ITPRID1: variants seen among roughly 807,000 people sequenced by gnomAD.
ITPRID1 encodes protein ITPRID1.
A neutral mutation model predicts 95.4 loss-of-function variants in ITPRID1; 96 were observed. The ratio of observed to expected loss-of-function variants is 1.01; its 90% CI spans 0.85 to 1.19. ITPRID1 has a LOEUF of 1.19. Ranked by LOEUF, ITPRID1 falls within the 50% of genes most tolerant of loss-of-function variation. ITPRID1 has a pLI of 0.00. For synonymous variants in ITPRID1, 510 were observed against 453.6 expected, an observed-to-expected ratio of 1.12 and a Z score of -1.58; for missense variants, 1,339 against 1,252.9, an observed-to-expected ratio of 1.07 and a Z score of -1.04.
downstream of ITPRID1, among the ~76,000 whole-genome samples, chr7:31,656,915 T>C (rs1349222955): frequency 6.6e-6 from 1 of 151,562 alleles, no homozygotes; most frequent in Non-Finnish European, 1.5e-5. Context: ...CTTTGCTGTC[T>C]TCAGTGCATG....
chr7:31,515,386 A>G (rs541639837), intron 1 of ITPRID1, among the ~76,000 whole-genome samples: 19 of 151,834 alleles, frequency 1.3e-4, no homozygotes, highest in African/African-American at 1.7e-4. Context: ...GACCAGCCTG[A>G]CCAACATGGA....
At chr7:31,648,108 A>G (rs931764603) in intron 12 of ITPRID1, among the ~76,000 whole-genome samples, 1 of 152,232 alleles carries the variant, frequency 6.6e-6, no homozygotes, top group African/African-American at 2.4e-5. Flanking sequence ...AGATTTCTGA[A>G]TATTAGAAGT....
intron 1 of ITPRID1, among the ~76,000 whole-genome samples, chr7:31,527,488 A>G (rs188341956): frequency 6.6e-6 from 1 of 152,234 alleles, no homozygotes; most frequent in East Asian, 1.9e-4. Flanking sequence ...ACTTATTAAA[A>G]ATGTGGAAAA....
At chr7:31,516,266 G>A (rs941822278) in intron 1 of ITPRID1, among the ~76,000 whole-genome samples, 7 of 152,088 alleles carry the variant, frequency 4.6e-5, no homozygotes, top group South Asian at 2.1e-4. Flanking sequence ...AGGTTTCTGC[G>A]TGTGTGTGCA....
intron 1 of ITPRID1, among the ~76,000 whole-genome samples, chr7:31,536,810 A>C (rs1298164111): frequency 1.3e-5 from 2 of 152,134 alleles, no homozygotes; most frequent in Non-Finnish European, 2.9e-5. Context: ...GGCTTGTCTC[A>C]GTTCTGCCTT....
At chr7:31,639,858 A>G (rs1036934200) in intron 10 of ITPRID1, among the ~76,000 whole-genome samples, 1 of 152,094 alleles carries the variant, frequency 6.6e-6, no homozygotes, top group African/African-American at 2.4e-5. Context: ...AAATGTTTTA[A>G]TGCTCTTTCT....
At chr7:31,598,614 AG>A (rs1346604673) in intron 10 of ITPRID1, among the ~76,000 whole-genome samples, 5 of 151,934 alleles carry the variant, frequency 3.3e-5, no homozygotes, top group African/African-American at 1.2e-4. Context: ...CGTGTTAGCC[AG>A]GATGGTCTCT....
At chr7:31,623,662 A>T (rs1788149529) in intron 10 of ITPRID1, among the ~76,000 whole-genome samples, 1 of 108,876 alleles carries the variant, frequency 9.2e-6, no homozygotes, top group Admixed American at 1.0e-4. Flanking sequence ...TGAATGGGGA[A>T]AAACTGGAAG....
chr7:31,568,945 T>C lies in ITPRID1; in HGVS notation c.257-813T>C, dbSNP rs369717512. 1.4e-4 allele frequency among the ~76,000 whole-genome samples: 21 copies of C among 152,330 alleles called. No individual in the cohort carries two copies. In the East Asian group the frequency reaches 4.1e-3, roughly 29 times the overall value. ...TTTATTTAATCTCTCTCAGCCTCAG[T>C]TTTCCTCTGTGTTAAGTGGAGATCA... On this transcript the variant is annotated intron_variant, in intron 5 of 14. Transcript: ENST00000615280.
chr7:31,540,784 A>C (rs907367769), intron 1 of ITPRID1, among the ~76,000 whole-genome samples: 2 of 152,210 alleles, frequency 1.3e-5, no homozygotes, highest in African/African-American at 4.8e-5. Flanking sequence ...AGGTTCCAAG[A>C]TAACTTTGGG....
At chr7:31,587,421 C>A (rs1184581953) in intron 10 of ITPRID1, among the ~76,000 whole-genome samples, 1 of 151,422 alleles carries the variant, frequency 6.6e-6, no homozygotes, top group Admixed American at 6.6e-5. Flanking sequence ...ACCTAGGAAT[C>A]CAACTTACAA....
At chr7:31,599,662 T>TTCTCTCTCTCTCTCTCTCTCTCTC (rs70986634) in intron 10 of ITPRID1, among the ~76,000 whole-genome samples, 1 of 31,354 alleles carries the variant, frequency 3.2e-5, no homozygotes, top group African/African-American at 7.5e-5. Flanking sequence ...TTTCTTTCCT[T>TTCTCTCTCTCTCTCTCTCTCTCTC]TCTCTCTCTC....
chr7:31,604,713 A>T (rs1035322748), intron 10 of ITPRID1, among the ~76,000 whole-genome samples: 3 of 152,220 alleles, frequency 2.0e-5, no homozygotes, highest in African/African-American at 7.2e-5. Context: ...TATGCTTCCT[A>T]TAAAAATTAC....
At chr7:31,657,194 G>A (rs1042891360), downstream of ITPRID1, among the ~76,000 whole-genome samples, 3 of 8,740 alleles carry the variant, frequency 3.4e-4, no homozygotes, top group Admixed American at 1.9e-3. Context: ...ACGCACACTC[G>A]TTCAAAAAGA....
intron 5 of ITPRID1, among the ~76,000 whole-genome samples, chr7:31,566,404 C>T (rs893824235): frequency 4.6e-5 from 7 of 152,182 alleles, no homozygotes; most frequent in African/African-American, 1.7e-4. Flanking sequence ...AAAGCAGTGG[C>T]AAGAATGTCA....
At chr7:31,569,655 G>A in intron 5 of ITPRID1, 103 bp from the exon 6 acceptor site, 1 of 938,680 alleles carries the variant, frequency 1.1e-6, no homozygotes, top group Non-Finnish European at 1.6e-6. Flanking sequence ...ATATAACCTT[G>A]GATATGGAAA....
chr7:31,607,086 C>T (rs1347630148), intron 10 of ITPRID1, among the ~76,000 whole-genome samples: 1 of 152,000 alleles, frequency 6.6e-6, no homozygotes, highest in African/African-American at 2.4e-5. Flanking sequence ...TTTGGATAGT[C>T]CTTTTTTTCT....
chr7:31,637,746 TC>T (rs1349319893), intron 10 of ITPRID1, among the ~76,000 whole-genome samples: 2 of 152,214 alleles, frequency 1.3e-5, no homozygotes, highest in African/African-American at 4.8e-5. Flanking sequence ...TTTGATTAGA[TC>T]CCATTTGTCA....
chr7:31,616,318 G>T (rs928795999), intron 10 of ITPRID1, among the ~76,000 whole-genome samples: 1 of 152,114 alleles, frequency 6.6e-6, no homozygotes, highest in South Asian at 2.1e-4. Flanking sequence ...TCAGGGTCTA[G>T]TAGTGAATAT....
Sources: gnomAD v4.1 joint callset for allele counts (sites outside exome capture counted in the v4.1 genomes callset) on GRCh38, gnomAD v4.1.1 for gene constraint, MANE v1.5 for transcripts, NCBI Gene and HGNC (gene_info 2026-07-23, HGNC 2026-07-21) for gene names.